Variants in CSMD2 observed in about 807,000 individuals in gnomAD.
The protein encoded by CSMD2 is CUB and Sushi multiple domains 2, also known as CUB and sushi domain-containing protein 2.
Under a neutral mutation model 398.5 loss-of-function variants are expected in CSMD2, and 130 were observed. That is an observed-to-expected ratio of 0.33 (90% confidence interval 0.28 to 0.38). The LOEUF (loss-of-function observed/expected upper bound fraction) is 0.38, where lower values mean the gene tolerates loss of function less well. Ranked by LOEUF, CSMD2 falls within the 10% of genes least tolerant of loss-of-function variation. The pLI, the probability that CSMD2 is intolerant of heterozygous loss-of-function variation, is 1.00. For missense variants in CSMD2, 3,829 were observed against 4,764.9 expected (o/e 0.80, Z 5.78); for synonymous variants, 1,828 against 1,908.5 (o/e 0.96, Z 1.10).
intron 46 of CSMD2, among the ~76,000 whole-genome samples, chr1:33,584,762 A>C (rs895951393): frequency 4.6e-5 from 7 of 151,692 alleles, no homozygotes; most frequent in Admixed American, 2.6e-4. Context: ...TTGTAGAGGG[A>C]ATGATGAAAA....
At chr1:34,117,052 A>T (rs981563417) in intron 1 of CSMD2, among the ~76,000 whole-genome samples, 1 of 152,114 alleles carries the variant, frequency 6.6e-6, no homozygotes, top group African/African-American at 2.4e-5. Flanking sequence ...GAATGATCTC[A>T]AATCAATAAC....
At chr1:33,522,974 C>G (rs1176112676) in intron 67 of CSMD2, among the ~76,000 whole-genome samples, 2 of 152,184 alleles carry the variant, frequency 1.3e-5, no homozygotes, top group Non-Finnish European at 2.9e-5. Flanking sequence ...TGCCTTCTTC[C>G]AGCTCCCACC....
In CSMD2 at chr1:33,788,698, G is replaced by A. The variant is rs1172743824; in HGVS notation, c.1565C>T (p.Ser522Leu). Residue 522 changes from serine (S) to leucine (L), a missense_variant, in exon 12 of 71, where the codon TCG becomes TTG. Transcript: ENST00000373381. Reference sequence around the variant, plus strand: ...GGTGCTGACAATGAGATCCGGGACCGATGTACCTGTCAGGCTGGCAGGAGA... The same window carrying A: ...GGTGCTGACAATGAGATCCGGGACCAATGTACCTGTCAGGCTGGCAGGAGA... ...KTVLYILTGT[S>L]VPDLIVSTNH... 1.1e-5 allele frequency: 18 copies of A among 1,610,788 alleles called. No individual in the cohort carries two copies. The highest frequency in any genetic ancestry group is 2.2e-5 in the East Asian group (1 of 44,858).
intron 5 of CSMD2, chr1:33,863,347 C>A (rs765335552): frequency 4.6e-5 from 7 of 152,152 alleles, no homozygotes; most frequent in Non-Finnish European, 8.8e-5. Flanking sequence ...GTGTTCTAAA[C>A]CTAAGAAATG....
chr1:33,554,423 G>C (rs1657767227), intron 55 of CSMD2, among the ~76,000 whole-genome samples: 1 of 152,018 alleles, frequency 6.6e-6, no homozygotes, highest in Non-Finnish European at 1.5e-5. Context: ...TGAATCTCCT[G>C]ATCTTGTGAT....
At chr1:33,601,613 C>T (rs773712802) in intron 43 of CSMD2, among the ~76,000 whole-genome samples, 1 of 152,144 alleles carries the variant, frequency 6.6e-6, no homozygotes, top group Non-Finnish European at 1.5e-5. Context: ...TGGCAGTAAC[C>T]ACCAAACAAA....
rs185976909 is a variant in CSMD2 at position 33,730,226 on chromosome 1, A to C, written c.2369-3541T>G. Among the ~76,000 whole-genome samples the C allele has an allele frequency of 1.1e-3, 175 of 152,304 alleles. 2 individuals carry two copies. The highest frequency in any genetic ancestry group is 4.1e-3 in the Admixed American group (62 of 15,296). On this transcript the variant is annotated intron_variant, in intron 15 of 70. Coordinates refer to ENST00000373381, the MANE Select transcript of CSMD2 (RefSeq NM_001281956.2). ...GGTAGAGATTAGTAGGTATGGTATG[A>C]TTCTCTTTATCTAAGAAAGGGGCAG...
rs150154433 is a variant in CSMD2 at position 33,788,700 on chromosome 1, T to C, written c.1563A>G (p.Thr521=). 3.1e-6 allele frequency: 5 copies of C among 1,611,054 alleles called. No homozygotes were observed. Among genetic ancestry groups the C allele is most frequent in the Admixed American group, 1.7e-5 (1 of 60,010 alleles). Residue 521 remains threonine (T), a synonymous_variant, in exon 12 of 71, where the codon ACA becomes ACG. Coordinates refer to ENST00000373381, the MANE Select transcript of CSMD2 (RefSeq NM_001281956.2). Reference sequence around the variant, plus strand: ...TGCTGACAATGAGATCCGGGACCGATGTACCTGTCAGGCTGGCAGGAGAGA... The same window carrying C: ...TGCTGACAATGAGATCCGGGACCGACGTACCTGTCAGGCTGGCAGGAGAGA... The part of the protein sequence containing the change: ...QKTVLYILTG[T]SVPDLIVSTN...
intron 22 of CSMD2, among the ~76,000 whole-genome samples, chr1:33,703,676 T>C (rs1334416194): frequency 6.6e-6 from 1 of 152,152 alleles, no homozygotes; most frequent in Non-Finnish European, 1.5e-5. Context: ...TGTGCTTGAG[T>C]TTCTCTAGAG....
intron 13 of CSMD2, among the ~76,000 whole-genome samples, chr1:33,762,183 G>T (rs1278455168): frequency 1.3e-5 from 2 of 152,188 alleles, no homozygotes; most frequent in Admixed American, 1.3e-4. Context: ...TTCACCAAGA[G>T]GCTCAAAGAA....
At chr1:33,769,492 C>T (rs931073875) in intron 13 of CSMD2, among the ~76,000 whole-genome samples, 5 of 152,126 alleles carry the variant, frequency 3.3e-5, no homozygotes, top group African/African-American at 4.8e-5. Flanking sequence ...TCTTTCAAAA[C>T]GTTTTTCACT....
At chr1:33,931,432 T>G (rs796521980) in intron 4 of CSMD2, among the ~76,000 whole-genome samples, 1 of 152,058 alleles carries the variant, frequency 6.6e-6, no homozygotes, top group Non-Finnish European at 1.5e-5. Context: ...TCTTAGGATA[T>G]TCTTGTAGCT....
chr1:33,596,609 C>T (rs967561484), intron 44 of CSMD2, among the ~76,000 whole-genome samples: 1 of 152,208 alleles, frequency 6.6e-6, no homozygotes, highest in Non-Finnish European at 1.5e-5. Context: ...TCTTTCTTCA[C>T]ATGGCAGCAA....
chr1:33,778,656 T>A (rs753521059), intron 12 of CSMD2, among the ~76,000 whole-genome samples: 1 of 152,162 alleles, frequency 6.6e-6, no homozygotes, highest in Admixed American at 6.5e-5. Context: ...AATGCCACAC[T>A]AAGCACTAAA....
chr1:33,957,937 G>C (rs1328937565), intron 3 of CSMD2, among the ~76,000 whole-genome samples: 1 of 116,038 alleles, frequency 8.6e-6, no homozygotes, highest in South Asian at 2.8e-4. Context: ...CACTGTGTGT[G>C]TGTGTGTGTG....
intron 6 of CSMD2, among the ~76,000 whole-genome samples, chr1:33,836,153 C>T (rs1334243124): frequency 1.3e-5 from 2 of 152,218 alleles, no homozygotes; most frequent in Non-Finnish European, 2.9e-5. Flanking sequence ...GCCTGGGTAT[C>T]AGCAGCGAAG....
chr1:33,682,726 C>T (rs1027739415), intron 25 of CSMD2, among the ~76,000 whole-genome samples: 13 of 152,160 alleles, frequency 8.5e-5, no homozygotes, highest in Admixed American at 5.2e-4. Context: ...ATCCTGAGCT[C>T]CTATACCCTT....
At chr1:34,055,847 C>T (rs534722131) in intron 2 of CSMD2, among the ~76,000 whole-genome samples, 16 of 152,270 alleles carry the variant, frequency 1.1e-4, no homozygotes, top group African/African-American at 3.4e-4. Flanking sequence ...CCAGAGTTTG[C>T]GGGTTGACAC....
rs572008500 is a variant in CSMD2 at position 34,120,418 on chromosome 1, T to C, written c.188-31225A>G. 6.6e-5 allele frequency among the ~76,000 whole-genome samples: 10 copies of C among 152,322 alleles called. No homozygotes were observed. In the East Asian group the frequency reaches 1.9e-3, roughly 29 times the overall value. On this transcript the variant is annotated intron_variant, in intron 1 of 70. Transcript: ENST00000373381. ...TAACACTACTGTGCTGTATAGTTAG[T>C]GGTTAAGACAGTAAATTTTATATTA...
Sources: gnomAD v4.1 joint callset for allele counts (sites outside exome capture counted in the v4.1 genomes callset) on GRCh38, gnomAD v4.1.1 for gene constraint, MANE v1.5 for transcripts, NCBI Gene and HGNC (gene_info 2026-07-23, HGNC 2026-07-21) for gene names.